Variants in SLC12A2 observed in about 807,000 individuals in gnomAD.
SLC12A2 encodes the protein solute carrier family 12 member 2, also known as Na-K-2Cl cotransporter 1.
In SLC12A2, 67 loss-of-function variants were observed where a neutral mutation model predicts 136.3. The ratio of observed to expected loss-of-function variants is 0.49; its 90% CI spans 0.40 to 0.60. The LOEUF is 0.60. Ranked by LOEUF, SLC12A2 falls within the 20% of genes least tolerant of loss-of-function variation. The probability of loss-of-function intolerance (pLI) is 0.00; values close to 1 mark genes in which losing one functional copy is unlikely to be tolerated. For synonymous variants in SLC12A2, 619 were observed against 562.9 expected, an observed-to-expected ratio of 1.10 and a Z score of -1.41; for missense variants, 1,322 against 1,534.7, an observed-to-expected ratio of 0.86 and a Z score of 2.32.
At chr5:128,116,893 C>CA (rs966154197) in intron 4 of SLC12A2, among the ~76,000 whole-genome samples, 2 of 152,074 alleles carry the variant, frequency 1.3e-5, no homozygotes, top group Non-Finnish European at 2.9e-5. Context: ...AAACCCCTAA[C>CA]ATGGTTTATT....
intron 1 of SLC12A2, among the ~76,000 whole-genome samples, chr5:128,087,513 T>A (rs1010552985): frequency 2.6e-5 from 4 of 152,096 alleles, no homozygotes; most frequent in African/African-American, 9.7e-5. Flanking sequence ...GAAGGGTAAG[T>A]TGATGATTGG....
intron 1 of SLC12A2, among the ~76,000 whole-genome samples, chr5:128,108,629 A>G (rs1105315): frequency 0.47 from 70,757 of 151,904 alleles, 17,935 homozygotes; most frequent in Non-Finnish European, 0.56. Flanking sequence ...GGTGATTGGC[A>G]GGGGCTGAAG....
chr5:128,174,496 T>G lies in SLC12A2; in HGVS notation c.2804-45T>G, dbSNP rs565016821. 1.3e-5 allele frequency: 19 copies of G among 1,458,398 alleles called. No individual in the cohort carries two copies. In the Admixed American group the frequency reaches 2.6e-4, roughly 20 times the overall value. The allele number at this position is 1,458,398 out of a possible 1,614,324, so 90.3% of individuals were successfully genotyped here. On this transcript the variant is annotated intron_variant, in intron 19 of 26. Transcript: ENST00000262461. The stretch of plus-strand genomic sequence containing the variant: ...AAACCATAATGCCTTATTTAACAGT[T>G]AAAATATGACTTAGATACTATTTTA...
chr5:128,157,818 T>C (rs1405242839), intron 15 of SLC12A2, among the ~76,000 whole-genome samples: 1 of 152,194 alleles, frequency 6.6e-6, no homozygotes, highest in East Asian at 1.9e-4. Flanking sequence ...AATCTTGATG[T>C]ATAATAGTAC....
intron 10 of SLC12A2, among the ~76,000 whole-genome samples, chr5:128,143,666 T>A (rs1403882698): frequency 6.6e-6 from 1 of 152,030 alleles, no homozygotes; most frequent in Non-Finnish European, 1.5e-5. Context: ...CACAAAGGTG[T>A]AGATTCAGGA....
At chr5:128,116,668 C>T (rs938996073) in intron 4 of SLC12A2, among the ~76,000 whole-genome samples, 1 of 152,014 alleles carries the variant, frequency 6.6e-6, no homozygotes, top group East Asian at 1.9e-4. Context: ...TAATGAAACC[C>T]ATAGAAGATA....
chr5:128,112,785 G>A, intron 1 of SLC12A2, 29 bp from the exon 2 acceptor site: 7 of 1,554,174 alleles, frequency 4.5e-6, no homozygotes, highest in Non-Finnish European at 6.1e-6. Context: ...TAAATGTTAA[G>A]CATAATTCAT....
At chr5:128,139,962 GT>G (rs1209325745) in intron 9 of SLC12A2, among the ~76,000 whole-genome samples, 2 of 152,038 alleles carry the variant, frequency 1.3e-5, no homozygotes, top group African/African-American at 4.8e-5. Flanking sequence ...TAATATCATG[GT>G]GAGCTGAATT....
intron 19 of SLC12A2, among the ~76,000 whole-genome samples, chr5:128,173,808 T>C (rs1763456410): frequency 6.6e-6 from 1 of 152,234 alleles, no homozygotes. Context: ...ATCAATTTTA[T>C]ATTATATTTG....
chr5:128,186,787 A>G lies in SLC12A2; in HGVS notation c.*156A>G. ...AGCACACAGGAAAGTTGCTCCATTG[A>G]TAACGTGTATGGAGACTTCGGTTTT... On this transcript the variant is annotated 3_prime_UTR_variant, in exon 27 of 27. Transcript: ENST00000262461. 1 of 720,990 alleles carries G rather than the reference A, an allele frequency of 1.4e-6. No homozygotes were observed. Among genetic ancestry groups the G allele is most frequent in the Non-Finnish European group, 2.3e-6 (1 of 444,066 alleles). 44.7% of individuals were successfully genotyped at this position (720,990 alleles called of 1,614,324 possible).
Position 128,126,966 on chromosome 5 carries a change from A to ATATATAATTT in SLC12A2, c.1049-4100_1049-4099insATATAATTTT. ...CATATATATATATATATATATATAT[A>ATATATAATTT]TTTTTTTTTTTTTTTTTTTTTGCAT... is the stretch of plus-strand genomic sequence containing the variant. On this transcript the variant is annotated intron_variant, in intron 4 of 26. Transcript: ENST00000262461. Among the ~76,000 whole-genome samples, 65 of 21,154 alleles carry ATATATAATTT rather than the reference A, an allele frequency of 3.1e-3. 6 individuals carry two copies. Among genetic ancestry groups the ATATATAATTT allele is most frequent in the Middle Eastern group, 0.12 (1 of 8 alleles). 13.9% of individuals were successfully genotyped at this position (21,154 alleles called of 152,430 possible). A position where few individuals can be genotyped will look rare whatever the true frequency, so the allele number is the denominator to read the frequency against.
chr5:128,164,256 G>A lies in SLC12A2; in HGVS notation c.2616+2456G>A, dbSNP rs551509211. On this transcript the variant is annotated intron_variant, in intron 17 of 26. Coordinates refer to ENST00000262461, the MANE Select transcript of SLC12A2 (RefSeq NM_001046.3). ...ATTCAGTTCAGGGACTATACTTTAA[G>A]AATCACTGCTCTAGAAAGTCTCTGT... 2.0e-5 allele frequency among the ~76,000 whole-genome samples: 3 copies of A among 152,184 alleles called. No individual in the cohort carries two copies. The South Asian group carries it at 6.2e-4, about 32-fold the overall frequency.
intron 4 of SLC12A2, among the ~76,000 whole-genome samples, chr5:128,122,204 A>C (rs1377611204): frequency 6.6e-6 from 1 of 152,242 alleles, no homozygotes; most frequent in Non-Finnish European, 1.5e-5. Flanking sequence ...AAAACTTCAG[A>C]TAGGTAGTTC....
intron 9 of SLC12A2, among the ~76,000 whole-genome samples, chr5:128,140,248 C>T (rs1377504012): frequency 6.6e-6 from 1 of 152,164 alleles, no homozygotes; most frequent in Non-Finnish European, 1.5e-5. Context: ...ATCCACCTGC[C>T]TTAACCTCCC....
In SLC12A2 at chr5:128,084,927, A is replaced by G. The variant is rs2126631508; in HGVS notation, c.756+217A>G. Among the ~76,000 whole-genome samples, 1 of 150,374 alleles carries G rather than the reference A, an allele frequency of 6.7e-6. No individual in the cohort carries two copies. Among genetic ancestry groups the G allele is most frequent in the East Asian group, 2.0e-4 (1 of 5,128 alleles). ...GGTTTGGCTAGTTACGTGATACCGG[A>G]GGGCTGCCTCTAACAACCTTCCCCA... On this transcript the variant is annotated intron_variant, in intron 1 of 26. Transcript: ENST00000262461. This position sits in a 1 kb window ranked among gnomAD's most constrained non-coding sequence, Gnocchi z 5.6.
chr5:128,108,263 A>T (rs1237905044), intron 1 of SLC12A2, among the ~76,000 whole-genome samples: 1 of 152,202 alleles, frequency 6.6e-6, no homozygotes, highest in Non-Finnish European at 1.5e-5. Context: ...AGAAGTAGTC[A>T]CTTCAAGAAT....
chr5:128,178,681 A>G lies in SLC12A2; in HGVS notation c.3092A>G (p.Asp1031Gly). Residue 1031 changes from aspartate (D) to glycine (G), a missense_variant, in exon 22 of 27, where the codon GAT becomes GGT. Physicochemically the swap from Asp to Gly is moderately conservative, Grantham distance 94. Transcript: ENST00000262461. ...KNTIDVWWLF[D>G]DGGLTLLIPY... Reference sequence around the variant, plus strand: ...ACTATTGATGTCTGGTGGCTTTTTGATGATGGAGGTAAGGTTGTTAATTTT... The same window carrying G: ...ACTATTGATGTCTGGTGGCTTTTTGGTGATGGAGGTAAGGTTGTTAATTTT... 2 of 1,564,720 alleles carry G rather than the reference A, an allele frequency of 1.3e-6. No homozygotes were observed. The highest frequency in any genetic ancestry group is 1.2e-5 in the South Asian group (1 of 81,404).
chr5:128,187,974 T>C lies in SLC12A2; in HGVS notation c.*1343T>C, dbSNP rs1049494863. 3 of 152,582 alleles carry C rather than the reference T, an allele frequency of 2.0e-5. No individual in the cohort carries two copies. The highest frequency in any genetic ancestry group is 7.2e-5 in the African/African-American group (3 of 41,444). The allele number at this position is 152,582 out of a possible 1,614,324, so 9.5% of individuals were successfully genotyped here. ...GGATTTATGTCTACATATTTGTGTG[T>C]GTGTGTGTATATATATGTAATATGC... On this transcript the variant is annotated 3_prime_UTR_variant, in exon 27 of 27. Coordinates refer to ENST00000262461, the MANE Select transcript of SLC12A2 (RefSeq NM_001046.3).
chr5:128,163,536 A>G (rs1037954452), intron 17 of SLC12A2, among the ~76,000 whole-genome samples: 12 of 152,150 alleles, frequency 7.9e-5, no homozygotes, highest in African/African-American at 2.9e-4. Context: ...CTCAAAAAAA[A>G]AAAGAAACTT....
Sources: allele counts gnomAD v4.1 joint callset (sites outside exome capture counted in the v4.1 genomes callset), GRCh38; gene constraint gnomAD v4.1.1; non-coding constraint Gnocchi (gnomAD v3.1); transcripts MANE v1.5; gene names NCBI Gene and HGNC (gene_info 2026-07-23, HGNC 2026-07-21).